CCNY: variants seen among roughly 807,000 people sequenced by gnomAD.
The protein encoded by CCNY is cyclin Y, also known as cyclin-Y.
Under a neutral mutation model 42.8 loss-of-function variants are expected in CCNY, and 19 were observed. That is an observed-to-expected ratio of 0.44 (90% CI 0.31 to 0.65). The LOEUF is 0.65. Among genes scored for constraint, CCNY ranks in the 30% least tolerant of loss-of-function variants. The probability of loss-of-function intolerance (pLI) is 0.07; values close to 1 mark genes in which losing one functional copy is unlikely to be tolerated. For missense variants in CCNY, 370 were observed against 437.3 expected (o/e 0.85, Z 1.37); for synonymous variants, 165 against 162.7 (o/e 1.01, Z -0.11).
At chr10:35,444,820 A>T (rs1313141036) in intron 1 of CCNY, among the ~76,000 whole-genome samples, 1 of 152,180 alleles carries the variant, frequency 6.6e-6, no homozygotes, top group Non-Finnish European at 1.5e-5. Context: ...GAATGGATGT[A>T]GGGGTGGAGG....
chr10:35,423,779 A>T (rs541570071), intron 1 of CCNY, among the ~76,000 whole-genome samples: 2 of 152,246 alleles, frequency 1.3e-5, no homozygotes, highest in Non-Finnish European at 2.9e-5. Flanking sequence ...ACTCTTTTGT[A>T]GACATAATCC....
intron 3 of CCNY, among the ~76,000 whole-genome samples, chr10:35,514,030 A>T (rs914830722): frequency 1.5e-5 from 2 of 136,874 alleles, no homozygotes; most frequent in Non-Finnish European, 3.1e-5. Flanking sequence ...ACCACACAGC[A>T]GGAGGTGTTG....
At chr10:35,510,113 T>TA (rs539943940) in intron 3 of CCNY, among the ~76,000 whole-genome samples, 30 of 152,162 alleles carry the variant, frequency 2.0e-4, no homozygotes, top group African/African-American at 7.0e-4. Context: ...TCCTTAAGAT[T>TA]AAAAAAAATT....
chr10:35,473,594 C>T (rs376115679), intron 1 of CCNY, among the ~76,000 whole-genome samples: 2 of 152,064 alleles, frequency 1.3e-5, no homozygotes, highest in African/African-American at 4.8e-5. Context: ...ATCATGTGAA[C>T]AATTAGTGTT....
chr10:35,270,871 G>A (rs190201497), intron 3 of CCNY, among the ~76,000 whole-genome samples: 11 of 151,412 alleles, frequency 7.3e-5, no homozygotes, highest in Non-Finnish European at 1.0e-4. Flanking sequence ...GACTACAGGC[G>A]CCCGCCACCA....
At chr10:35,556,137 T>C (rs1221343165) in intron 8 of CCNY, among the ~76,000 whole-genome samples, 1 of 152,214 alleles carries the variant, frequency 6.6e-6, no homozygotes, top group African/African-American at 2.4e-5. Flanking sequence ...GGCTGAACCT[T>C]AGTGACTCAT....
chr10:35,382,835 A>G (rs1306547361), intron 1 of CCNY, among the ~76,000 whole-genome samples: 1 of 152,200 alleles, frequency 6.6e-6, no homozygotes, highest in East Asian at 1.9e-4. Context: ...AGTAATTATA[A>G]TTGTTGTTAT....
intron 3 of CCNY, among the ~76,000 whole-genome samples, chr10:35,260,740 G>T (rs1255847371): frequency 2.6e-5 from 4 of 152,162 alleles, no homozygotes; most frequent in Non-Finnish European, 5.9e-5. Flanking sequence ...CTAATGGAAG[G>T]GACTTTTGGG....
chr10:35,415,818 TTG>T (rs999538731), intron 1 of CCNY, among the ~76,000 whole-genome samples: 2 of 152,212 alleles, frequency 1.3e-5, no homozygotes, highest in Non-Finnish European at 2.9e-5. Flanking sequence ...CAGCTCCCTC[TTG>T]CTGTACCTTT....
At chr10:35,512,270 G>GCATCTTCT (rs1206333139) in intron 3 of CCNY, among the ~76,000 whole-genome samples, 3 of 152,152 alleles carry the variant, frequency 2.0e-5, no homozygotes, top group East Asian at 1.9e-4. Context: ...GGTCAACCAG[G>GCATCTTCT]CAAGTAGTGA....
At chr10:35,496,955 G>A (rs1394659852) in intron 2 of CCNY, among the ~76,000 whole-genome samples, 1 of 152,140 alleles carries the variant, frequency 6.6e-6, no homozygotes, top group African/African-American at 2.4e-5. Context: ...AATGCCAACT[G>A]TATTGTTTTT....
In CCNY at chr10:35,360,363, T is replaced by C. The variant is rs1836657135; in HGVS notation, c.154+23156T>C. On this transcript the variant is annotated intron_variant, in intron 1 of 9. Coordinates refer to ENST00000374704, the MANE Select transcript of CCNY (RefSeq NM_145012.6). ...GTGTAGTGGTGTGACTATGGCTCAC[T>C]GCAGCCTCAATCTCCTGGGCTTAAG... 3.3e-5 allele frequency among the ~76,000 whole-genome samples: 5 copies of C among 150,766 alleles called. No individual in the cohort carries two copies. In the Admixed American group the frequency reaches 3.3e-4, roughly 10 times the overall value.
chr10:35,473,060 A>G (rs1377996359), intron 1 of CCNY, among the ~76,000 whole-genome samples: 1 of 152,152 alleles, frequency 6.6e-6, no homozygotes, highest in Non-Finnish European at 1.5e-5. Context: ...TGTTTAAGCT[A>G]TTCTCTTGTA....
intron 1 of CCNY, among the ~76,000 whole-genome samples, chr10:35,376,271 A>C (rs944214528): frequency 6.6e-6 from 1 of 152,256 alleles, no homozygotes; most frequent in East Asian, 1.9e-4. Flanking sequence ...TCAAAAAGTT[A>C]AACATGAAGT....
At chr10:35,256,557 C>T (rs1238726434) in intron 3 of CCNY, among the ~76,000 whole-genome samples, 2 of 151,848 alleles carry the variant, frequency 1.3e-5, no homozygotes, top group African/African-American at 2.4e-5. Context: ...GATGGTGAAA[C>T]CCCATCTCTA....
At chr10:35,448,355 C>T (rs1451515517) in intron 1 of CCNY, among the ~76,000 whole-genome samples, 1 of 152,170 alleles carries the variant, frequency 6.6e-6, no homozygotes. Flanking sequence ...TGGAGCCAGG[C>T]TGCCTGAGTT....
intron 1 of CCNY, among the ~76,000 whole-genome samples, chr10:35,482,752 GTGTGTGTGT>G (rs1564428891): frequency 1.4e-4 from 6 of 43,656 alleles, no homozygotes; most frequent in African/African-American, 8.0e-4. Flanking sequence ...GGAAATAGGT[GTGTGTGTGT>G]GTGTGTGTGT....
chr10:35,485,637 A>G (rs954529709), intron 2 of CCNY, among the ~76,000 whole-genome samples: 10 of 150,828 alleles, frequency 6.6e-5, no homozygotes, highest in African/African-American at 2.4e-4. Context: ...AGGCAGGAGA[A>G]TGGCGTGAAT....
chr10:35,537,946 G>A (rs959406068), intron 7 of CCNY, among the ~76,000 whole-genome samples: 16 of 152,116 alleles, frequency 1.1e-4, no homozygotes, highest in Non-Finnish European at 1.8e-4. Flanking sequence ...CACCAAGATC[G>A]CATTTTGAAT....
Sources: allele counts gnomAD v4.1 joint callset (sites outside exome capture counted in the v4.1 genomes callset), GRCh38; gene constraint gnomAD v4.1.1; transcripts MANE v1.5; gene names NCBI Gene and HGNC (gene_info 2026-07-23, HGNC 2026-07-21).